Variants in CHRM5 observed in about 807,000 individuals in gnomAD.
CHRM5 encodes the protein muscarinic acetylcholine receptor M5.
Under a neutral mutation model 39.0 loss-of-function variants are expected in CHRM5, and 18 were observed. The observed-to-expected ratio is 0.46, with a 90% CI of 0.32 to 0.68. CHRM5 has a LOEUF of 0.68. Among genes scored for constraint, CHRM5 ranks in the 30% least tolerant of loss-of-function variants. CHRM5 has a pLI of 0.04. For missense variants in CHRM5, 515 were observed against 651.1 expected (o/e 0.79, Z 2.28); for synonymous variants, 241 against 246.3 (o/e 0.98, Z 0.20).
At chr15:34,038,974 G>T in intron 1 of CHRM5, 1 of 1,112,398 alleles carries the variant, frequency 9.0e-7, no homozygotes, top group Non-Finnish European at 1.1e-6. Flanking sequence ...CGCTCGCTGT[G>T]GCGATCTCCG....
At chr15:33,969,402 ATTTTG>A (rs989564304) in intron 1 of CHRM5, among the ~76,000 whole-genome samples, 12 of 152,028 alleles carry the variant, frequency 7.9e-5, no homozygotes, top group African/African-American at 2.6e-4. Flanking sequence ...TTTTATCCCA[ATTTTG>A]TTTTATTTAA....
intron 1 of CHRM5, among the ~76,000 whole-genome samples, chr15:34,043,912 G>A (rs948427414): frequency 6.6e-6 from 1 of 151,814 alleles, no homozygotes; most frequent in Admixed American, 6.6e-5. Context: ...TAGTATAGAG[G>A]GGTCTCTGTC....
intron 1 of CHRM5, among the ~76,000 whole-genome samples, chr15:33,970,064 C>T (rs1895569021): frequency 6.6e-6 from 1 of 151,854 alleles, no homozygotes; most frequent in Admixed American, 6.6e-5. Context: ...AGTCCTACAA[C>T]AAATAATATT....
intron 1 of CHRM5, among the ~76,000 whole-genome samples, chr15:34,017,876 A>C (rs999162104): frequency 3.9e-5 from 6 of 152,176 alleles, no homozygotes; most frequent in African/African-American, 1.2e-4. Flanking sequence ...CCATATTTAC[A>C]ACAGTGGTCC....
At chr15:33,981,270 A>ATTATCTTT (rs1313140447) in intron 1 of CHRM5, among the ~76,000 whole-genome samples, 25 of 152,204 alleles carry the variant, frequency 1.6e-4, no homozygotes, top group African/African-American at 5.5e-4. Flanking sequence ...ATAACACATA[A>ATTATCTTT]TTATCTTTTT....
At chr15:33,995,858 G>A (rs184033995) in intron 1 of CHRM5, among the ~76,000 whole-genome samples, 27 of 152,326 alleles carry the variant, frequency 1.8e-4, no homozygotes, top group East Asian at 5.8e-4. Context: ...CACGGAGGGC[G>A]AGCTGAAGCG....
chr15:34,032,458 G>A (rs1467853920), intron 1 of CHRM5, among the ~76,000 whole-genome samples: 1 of 152,178 alleles, frequency 6.6e-6, no homozygotes, highest in Non-Finnish European at 1.5e-5. Flanking sequence ...TTAAAACAAA[G>A]AGAGTAACAC....
chr15:33,979,717 A>G (rs1351487156), intron 1 of CHRM5, among the ~76,000 whole-genome samples: 2 of 152,234 alleles, frequency 1.3e-5, no homozygotes, highest in Non-Finnish European at 2.9e-5. Flanking sequence ...AATGGTTCAT[A>G]ACATGTCAGC....
chr15:33,992,399 G>GAA (rs1479927006), intron 1 of CHRM5, among the ~76,000 whole-genome samples: 2 of 150,708 alleles, frequency 1.3e-5, no homozygotes, highest in Non-Finnish European at 3.0e-5. Context: ...CAAAAAAAAA[G>GAA]AAAAAAGAAA....
chr15:33,994,209 C>T (rs968251084), intron 1 of CHRM5, among the ~76,000 whole-genome samples: 1 of 152,216 alleles, frequency 6.6e-6, no homozygotes, highest in African/African-American at 2.4e-5. Flanking sequence ...CTGAGCGCCA[C>T]CTCCTGTCAG....
At chr15:34,021,180 C>T (rs1898183916) in intron 1 of CHRM5, among the ~76,000 whole-genome samples, 1 of 152,006 alleles carries the variant, frequency 6.6e-6, no homozygotes, top group Non-Finnish European at 1.5e-5. Flanking sequence ...GAAAAAATTG[C>T]ATCTTTTTCT....
chr15:34,007,070 T>A (rs530400234), intron 1 of CHRM5: 1 of 984,502 alleles, frequency 1.0e-6, no homozygotes, highest in African/African-American at 1.7e-5. Flanking sequence ...ACTGGTTGCA[T>A]TGTTCAGAGA....
chr15:34,063,527 C>A lies in CHRM5; in HGVS notation c.810C>A (p.Ser270=). The A allele has an allele frequency of 1.9e-6, 3 of 1,613,718 alleles. No individual in the cohort carries two copies. Residue 270 remains serine, a synonymous_variant, in exon 3 of 3, where the codon TCC becomes TCA. Coordinates refer to ENST00000383263, the MANE Select transcript of CHRM5 (RefSeq NM_012125.4). This position sits in a 1 kb window ranked among gnomAD's most constrained non-coding sequence, Gnocchi z 4.1. Reference sequence around the variant, plus strand: ...CCCAGCGGGAAAGGAACCAGGCCTCCTGGTCATCCTCCCGCAGGAGCACCT... The same window carrying A: ...CCCAGCGGGAAAGGAACCAGGCCTCATGGTCATCCTCCCGCAGGAGCACCT... ...TLAQRERNQA[S]WSSSRRSTST... is the part of the protein sequence containing the mutation.
In CHRM5 at chr15:34,063,404, C is replaced by A. The variant is rs779578047; in HGVS notation, c.687C>A (p.Asp229Glu). The A allele has an allele frequency of 2.5e-6, 4 of 1,613,914 alleles. No individual in the cohort carries two copies. The African/African-American group carries it at 5.3e-5, about 22-fold the overall frequency. ...ETEKRTKDLA[D>E]LQGSDSVTKA... ...AGAAGCGAACCAAGGACCTGGCTGA[C>A]CTCCAGGGTTCTGACTCTGTGACCA... The change falls in exon 3 of 3, where the codon GAC (aspartate) becomes GAA (glutamate). Residue 229 changes from aspartate to glutamate, a missense_variant. Coordinates refer to ENST00000383263, the MANE Select transcript of CHRM5 (RefSeq NM_012125.4). This position sits in a 1 kb window ranked among gnomAD's most constrained non-coding sequence, Gnocchi z 4.1.
intron 1 of CHRM5, among the ~76,000 whole-genome samples, chr15:33,999,472 T>C (rs1897057507): frequency 6.6e-6 from 1 of 152,190 alleles, no homozygotes; most frequent in African/African-American, 2.4e-5. Flanking sequence ...GGTATCAAAG[T>C]GACATCTCAC....
intron 2 of CHRM5, among the ~76,000 whole-genome samples, chr15:34,053,464 A>G (rs982585444): frequency 6.6e-6 from 1 of 151,518 alleles, no homozygotes; most frequent in Non-Finnish European, 1.5e-5. Flanking sequence ...CAGCATGGTA[A>G]TGGTACAAAA....
At chr15:34,016,742 G>A (rs911602115) in intron 1 of CHRM5, among the ~76,000 whole-genome samples, 14 of 152,246 alleles carry the variant, frequency 9.2e-5, no homozygotes, top group Middle Eastern at 3.4e-3. Flanking sequence ...TTAAACCAGC[G>A]TAACCGTTTG....
chr15:33,976,877 T>C (rs1895911011), intron 1 of CHRM5, among the ~76,000 whole-genome samples: 1 of 152,200 alleles, frequency 6.6e-6, no homozygotes, highest in Admixed American at 6.5e-5. Flanking sequence ...ATGCCTTTTC[T>C]TCCCATCCCT....
intron 1 of CHRM5, among the ~76,000 whole-genome samples, chr15:34,042,403 T>G (rs34474029): frequency 0.15 from 21,698 of 148,724 alleles, 1,954 homozygotes; most frequent in Middle Eastern, 0.27. Context: ...TAAGTTTTTT[T>G]TTTTTTTTTT....
Sources: gnomAD v4.1 joint callset for allele counts (sites outside exome capture counted in the v4.1 genomes callset) on GRCh38, gnomAD v4.1.1 for gene constraint, Gnocchi (gnomAD v3.1) non-coding constraint, MANE v1.5 for transcripts, NCBI Gene and HGNC (gene_info 2026-07-23, HGNC 2026-07-21) for gene names.